The following LRFN5 variants were observed in gnomAD, a reference collection of about 807,000 sequenced individuals.
LRFN5 encodes the protein leucine-rich repeat and fibronectin type-III domain-containing protein 5.
Under a neutral mutation model 45.6 loss-of-function variants are expected in LRFN5, and 24 were observed. The ratio of observed to expected loss-of-function variants is 0.53; its 90% CI spans 0.38 to 0.74. The LOEUF (loss-of-function observed/expected upper bound fraction) is 0.74, where lower values mean the gene tolerates loss of function less well. LRFN5 is among the 30% of genes least tolerant of loss of function. LRFN5 has a pLI of 0.00. For synonymous variants in LRFN5, 340 were observed against 313.8 expected (o/e 1.08, Z -0.88); for missense variants, 776 against 861.5 (o/e 0.90, Z 1.24).
chr14:41,901,680 T>C (rs1243053143), intron 5 of LRFN5, among the ~76,000 whole-genome samples: 1 of 152,020 alleles, frequency 6.6e-6, no homozygotes, highest in East Asian at 1.9e-4. Context: ...TATGAATACA[T>C]AACAACACTG....
chr14:41,748,053 C>T (rs1397691506), intron 1 of LRFN5, among the ~76,000 whole-genome samples: 1 of 151,946 alleles, frequency 6.6e-6, no homozygotes, highest in Non-Finnish European at 1.5e-5. Flanking sequence ...AACCTTTCTA[C>T]GCTCTTGATG....
intron 2 of LRFN5, among the ~76,000 whole-genome samples, chr14:41,884,210 A>T (rs1330859017): frequency 1.3e-5 from 2 of 152,140 alleles, no homozygotes; most frequent in Non-Finnish European, 2.9e-5. Context: ...GTAATTGTAG[A>T]ATTAATTTTT....
intron 1 of LRFN5, among the ~76,000 whole-genome samples, chr14:41,738,205 G>A (rs61992377): frequency 0.17 from 25,294 of 151,948 alleles, 2,202 homozygotes; most frequent in Admixed American, 0.2. Context: ...ATCTACAACC[G>A]TCTGACCTTT....
rs573873818 is a variant in LRFN5, at chr14:41,885,999, C to T, written c.-20-607C>T. Among the ~76,000 whole-genome samples, 8 of 66,456 alleles carry T rather than the reference C, an allele frequency of 1.2e-4. No homozygotes were observed. In the South Asian group the frequency reaches 3.8e-3, roughly 32 times the overall value. The allele number at this position is 66,456 out of a possible 152,430, so 43.6% of individuals were successfully genotyped here. Reference sequence around the variant, plus strand: ...TCACGCCACTGCACTGCAGCCTGGGCAACAAAGCAAGGCTCGTCTCAAAAA... The same window carrying T: ...TCACGCCACTGCACTGCAGCCTGGGTAACAAAGCAAGGCTCGTCTCAAAAA... On this transcript the variant is annotated intron_variant, in intron 2 of 5. Transcript: ENST00000298119.
chr14:41,633,286 A>G (rs1209660261), intron 1 of LRFN5, among the ~76,000 whole-genome samples: 2 of 152,174 alleles, frequency 1.3e-5, no homozygotes, highest in East Asian at 3.8e-4. Context: ...CTAATAAATT[A>G]CTATGAAAAT....
chr14:41,796,102 TA>T (rs978281080), intron 2 of LRFN5, among the ~76,000 whole-genome samples: 7 of 151,920 alleles, frequency 4.6e-5, no homozygotes, highest in Admixed American at 4.6e-4. Flanking sequence ...TTTTCAAAAA[TA>T]AAAAAATAAA....
intron 1 of LRFN5, among the ~76,000 whole-genome samples, chr14:41,633,677 T>C (rs1251411231): frequency 6.6e-6 from 1 of 152,168 alleles, no homozygotes; most frequent in Non-Finnish European, 1.5e-5. Flanking sequence ...GATATTCTTT[T>C]TTTCAATTAC....
chr14:41,757,313 G>GT (rs1440037061), intron 1 of LRFN5, among the ~76,000 whole-genome samples: 1 of 152,194 alleles, frequency 6.6e-6, no homozygotes, highest in Non-Finnish European at 1.5e-5. Context: ...AGTCTGCAGA[G>GT]ATTTCTGCTG....
At chr14:41,882,461 C>G (rs1890413750) in intron 2 of LRFN5, among the ~76,000 whole-genome samples, 2 of 152,156 alleles carry the variant, frequency 1.3e-5, no homozygotes, top group African/African-American at 4.8e-5. Context: ...TCCTCTGCAT[C>G]TTTCCCATTC....
chr14:41,645,034 A>G (rs183629159), intron 1 of LRFN5, among the ~76,000 whole-genome samples: 161 of 152,308 alleles, frequency 1.1e-3, no homozygotes, highest in Admixed American at 2.3e-3. Context: ...GATTAGTCCA[A>G]CTGGGCCTGT....
intron 1 of LRFN5, among the ~76,000 whole-genome samples, chr14:41,702,017 G>C (rs889237613): frequency 2.0e-5 from 3 of 152,156 alleles, no homozygotes; most frequent in Non-Finnish European, 4.4e-5. Flanking sequence ...ACCTCCTGGA[G>C]CAGTAGCAAT....
chr14:41,690,843 T>A (rs907071876), intron 1 of LRFN5, among the ~76,000 whole-genome samples: 6 of 152,156 alleles, frequency 3.9e-5, no homozygotes, highest in African/African-American at 7.2e-5. Flanking sequence ...TACCCTTATA[T>A]CAAACTTCGT....
intron 2 of LRFN5, among the ~76,000 whole-genome samples, chr14:41,786,334 T>C (rs1886718846): frequency 6.6e-6 from 1 of 152,060 alleles, no homozygotes; most frequent in Non-Finnish European, 1.5e-5. Context: ...TTCTCAGTTT[T>C]TGTTTTTTCA....
At position 41,880,218 on chromosome 14, in the gene LRFN5, C is replaced by T. The variant is rs537980759; in HGVS notation, c.-20-6388C>T. Among the ~76,000 whole-genome samples, 12 of 152,012 alleles carry T rather than the reference C, an allele frequency of 7.9e-5. 2 individuals are homozygous for T. Among genetic ancestry groups the T allele is most frequent in the East Asian group, 1.9e-4 (1 of 5,170 alleles). On this transcript the variant is annotated intron_variant, in intron 2 of 5. Coordinates refer to ENST00000298119, the MANE Select transcript of LRFN5 (RefSeq NM_152447.5). Reference sequence around the variant, plus strand: ...CTGGGATTACAGGTGTGAGCCACCGCGCCCGGCCCTCAATCTTTTCTAAAA... The same window carrying T: ...CTGGGATTACAGGTGTGAGCCACCGTGCCCGGCCCTCAATCTTTTCTAAAA...
intron 1 of LRFN5, among the ~76,000 whole-genome samples, chr14:41,736,175 T>C (rs1003222743): frequency 2.0e-5 from 3 of 152,114 alleles, no homozygotes; most frequent in African/African-American, 7.2e-5. Flanking sequence ...CTTGAGGAAT[T>C]GCCACACTGT....
At chr14:41,748,054 G>A (rs1057175820) in intron 1 of LRFN5, among the ~76,000 whole-genome samples, 7 of 152,022 alleles carry the variant, frequency 4.6e-5, no homozygotes, top group Middle Eastern at 3.4e-3. Flanking sequence ...ACCTTTCTAC[G>A]CTCTTGATGT....
intron 1 of LRFN5, among the ~76,000 whole-genome samples, chr14:41,695,385 T>C (rs1449830515): frequency 1.3e-5 from 2 of 151,968 alleles, no homozygotes; most frequent in African/African-American, 2.4e-5. Flanking sequence ...TTAAAGTGGC[T>C]ACACTAAATA....
chr14:41,824,068 A>G (rs1888214648), intron 2 of LRFN5, among the ~76,000 whole-genome samples: 1 of 151,646 alleles, frequency 6.6e-6, no homozygotes, highest in Admixed American at 6.6e-5. Flanking sequence ...TATATATTGA[A>G]TTGTTTTTTC....
chr14:41,812,836 G>A (rs1411197310), intron 2 of LRFN5, among the ~76,000 whole-genome samples: 1 of 152,040 alleles, frequency 6.6e-6, no homozygotes, highest in Non-Finnish European at 1.5e-5. Context: ...GAGAGAACAA[G>A]GCAGTGTAAG....
Sources: allele counts gnomAD v4.1 joint callset (sites outside exome capture counted in the v4.1 genomes callset), GRCh38; gene constraint gnomAD v4.1.1; transcripts MANE v1.5; gene names NCBI Gene and HGNC (gene_info 2026-07-23, HGNC 2026-07-21).